The following CDH18 variants were observed in gnomAD, a reference collection of about 807,000 sequenced individuals.
The protein encoded by CDH18 is cadherin-18.
Under a neutral mutation model 67.9 loss-of-function variants are expected in CDH18, and 31 were observed. That is an observed-to-expected ratio of 0.46 (90% CI 0.34 to 0.62). The LOEUF (loss-of-function observed/expected upper bound fraction) is 0.62, where lower values mean the gene tolerates loss of function less well. CDH18 is among the 20% of genes least tolerant of loss of function. The pLI, the probability that CDH18 is intolerant of heterozygous loss-of-function variation, is 0.01. For missense variants in CDH18, 890 were observed against 975.5 expected, an observed-to-expected ratio of 0.91 and a Z score of 1.17; for synonymous variants, 362 against 347.2, an observed-to-expected ratio of 1.04 and a Z score of -0.48.
In CDH18 at chr5:20,220,390, T is replaced by C. The variant is rs1741130946; in HGVS notation, c.-518+35054A>G. Among the ~76,000 whole-genome samples, 5 of 152,128 alleles carry C rather than the reference T, an allele frequency of 3.3e-5. No homozygotes were observed. In the East Asian group the frequency reaches 9.7e-4, roughly 29 times the overall value. ...ATACTCTAGGAAAAGGATAGTCGCT[T>C]TTATACATAGTGCTGAGAGAAATGG... On this transcript the variant is annotated intron_variant, in intron 2 of 14. Transcript: ENST00000507958.
intron 5 of CDH18, among the ~76,000 whole-genome samples, chr5:19,663,401 C>A (rs1757457698): frequency 6.6e-6 from 1 of 151,872 alleles, no homozygotes; most frequent in African/African-American, 2.4e-5. Context: ...ATGATCAAAT[C>A]TTCTTAAATA....
chr5:20,387,591 C>G (rs1434972062), intron 1 of CDH18, among the ~76,000 whole-genome samples: 1 of 152,048 alleles, frequency 6.6e-6, no homozygotes, highest in Non-Finnish European at 1.5e-5. Context: ...CTGGCCAGAA[C>G]TTCCAACACT....
chr5:20,419,641 C>A (rs1353359357), intron 1 of CDH18, among the ~76,000 whole-genome samples: 1 of 144,996 alleles, frequency 6.9e-6, no homozygotes, highest in Non-Finnish European at 1.5e-5. Context: ...CGACGCCCAG[C>A]TAATTTTTTG....
At chr5:20,377,860 A>G (rs1412459928) in intron 1 of CDH18, among the ~76,000 whole-genome samples, 1 of 152,216 alleles carries the variant, frequency 6.6e-6, no homozygotes, top group Non-Finnish European at 1.5e-5. Flanking sequence ...GACTCAGAGG[A>G]GTTGACTAGT....
intron 1 of CDH18, among the ~76,000 whole-genome samples, chr5:20,556,548 T>C (rs1445064375): frequency 6.6e-6 from 1 of 152,160 alleles, no homozygotes; most frequent in Admixed American, 6.6e-5. Context: ...AGATGCTCAC[T>C]CCTGCGTGCT....
rs937003540 is a variant in CDH18 at position 20,299,305 on chromosome 5, A to G, written c.-579-43800T>C. Among the ~76,000 whole-genome samples the G allele has an allele frequency of 3.9e-5, 6 of 152,108 alleles. 1 individual carries two copies. The highest frequency in any genetic ancestry group is 3.9e-4 in the Admixed American group (6 of 15,278). ...AATGGATGTGGTTTGTCATCAAAAT[A>G]GAAATGTCAGTAATTATTGCAAGCC... On this transcript the variant is annotated intron_variant, in intron 1 of 14. Transcript: ENST00000507958.
At chr5:20,263,958 A>G (rs1240171014) in intron 1 of CDH18, among the ~76,000 whole-genome samples, 1 of 152,136 alleles carries the variant, frequency 6.6e-6, no homozygotes, top group Admixed American at 6.5e-5. Context: ...ACATAACAGT[A>G]TGTAGAATAA....
intron 5 of CDH18, among the ~76,000 whole-genome samples, chr5:19,666,607 TAA>T (rs1757993341): frequency 6.6e-6 from 1 of 152,004 alleles, no homozygotes; most frequent in Non-Finnish European, 1.5e-5. Flanking sequence ...GTAAAAATTT[TAA>T]GATAGTTGTT....
chr5:20,235,296 A>C (rs1742386283), intron 2 of CDH18, among the ~76,000 whole-genome samples: 1 of 152,120 alleles, frequency 6.6e-6, no homozygotes, highest in South Asian at 2.1e-4. Context: ...AATTAAACCA[A>C]AGAGCTTCTG....
intron 2 of CDH18, among the ~76,000 whole-genome samples, chr5:19,896,975 C>T (rs1256669938): frequency 6.6e-6 from 1 of 152,016 alleles, no homozygotes; most frequent in African/African-American, 2.4e-5. Flanking sequence ...AGAGTTGTTT[C>T]ATTGTTAGAA....
At chr5:19,517,757 C>A in intron 10 of CDH18, among the ~76,000 whole-genome samples, 1 of 152,144 alleles carries the variant, frequency 6.6e-6, no homozygotes, top group East Asian at 1.9e-4. Flanking sequence ...CAGTCCCATT[C>A]TCTCTCATAT....
intron 2 of CDH18, among the ~76,000 whole-genome samples, chr5:20,040,857 T>C (rs1740356804): frequency 6.6e-6 from 1 of 152,164 alleles, no homozygotes; most frequent in Non-Finnish European, 1.5e-5. Flanking sequence ...TGATCTCTAA[T>C]GATCCTCAAA....
chr5:20,251,511 G>A (rs2136111), intron 2 of CDH18, among the ~76,000 whole-genome samples: 45,454 of 151,990 alleles, frequency 0.3, 7,462 homozygotes, highest in Non-Finnish European at 0.37. Flanking sequence ...AGTATTTTCA[G>A]ACAAAAAAAT....
At chr5:19,527,478 G>A (rs1220085446) in intron 9 of CDH18, among the ~76,000 whole-genome samples, 1 of 150,796 alleles carries the variant, frequency 6.6e-6, no homozygotes, top group Non-Finnish European at 1.5e-5. Context: ...ATCAAATATT[G>A]TATTCAAAAT....
At position 20,072,565 on chromosome 5, in the gene CDH18, T is replaced by C. The variant is rs539736419; in HGVS notation, c.-517-80551A>G. 9.9e-5 allele frequency among the ~76,000 whole-genome samples: 15 copies of C among 152,080 alleles called. No homozygotes were observed. The South Asian group carries it at 3.1e-3, about 32-fold the overall frequency. On this transcript the variant is annotated intron_variant, in intron 2 of 14. Coordinates refer to the CDH18 transcript ENST00000507958. ...TGATGCTATAAATCTGGAGAAGTGA[T>C]ATTTTAAAACAAATCAATCATATTT...
intron 1 of CDH18, among the ~76,000 whole-genome samples, chr5:20,394,510 T>G (rs934399659): frequency 6.7e-6 from 1 of 149,704 alleles, no homozygotes; most frequent in African/African-American, 2.5e-5. Flanking sequence ...CTTCTGGGCG[T>G]TGGTCTAGGC....
chr5:20,305,037 C>A lies in CDH18; in HGVS notation c.-579-49532G>T, dbSNP rs1021657199. On this transcript the variant is annotated intron_variant, in intron 1 of 14. Coordinates refer to the CDH18 transcript ENST00000507958. ...AAGCAAGGCCAGAGGAGGAGGGCTG[C>A]TGACTGTCCCCATTAGTTTTGGGAT... 3.1e-6 allele frequency: 5 copies of A among 1,607,386 alleles called. No homozygotes were observed. In the African/African-American group the frequency reaches 6.7e-5, roughly 22 times the overall value.
At chr5:20,372,021 A>G (rs1421420466) in intron 1 of CDH18, among the ~76,000 whole-genome samples, 1 of 152,214 alleles carries the variant, frequency 6.6e-6, no homozygotes, top group African/African-American at 2.4e-5. Flanking sequence ...GAGGAAGGTG[A>G]TATTGATAAC....
At chr5:20,243,441 A>G (rs1743139595) in intron 2 of CDH18, among the ~76,000 whole-genome samples, 1 of 152,166 alleles carries the variant, frequency 6.6e-6, no homozygotes, top group Non-Finnish European at 1.5e-5. Context: ...ACAAACCTAT[A>G]TATCAAGAAA....
Sources: gnomAD v4.1 joint callset for allele counts (sites outside exome capture counted in the v4.1 genomes callset) on GRCh38, gnomAD v4.1.1 for gene constraint, MANE v1.5 for transcripts, NCBI Gene and HGNC (gene_info 2026-07-23, HGNC 2026-07-21) for gene names.